Variants in VRK2 observed in about 807,000 individuals in gnomAD.
VRK2 encodes VRK serine/threonine kinase 2, also known as serine/threonine-protein kinase VRK2.
VRK2 carries 60 observed loss-of-function variants against 57.6 expected under a neutral mutation model. The ratio of observed to expected loss-of-function variants is 1.04; its 90% CI spans 0.85 to 1.29. The LOEUF (loss-of-function observed/expected upper bound fraction) is 1.29, where lower values mean the gene tolerates loss of function less well. Ranked by LOEUF, VRK2 falls within the 50% of genes most tolerant of loss-of-function variation. The pLI is 0.00. For synonymous variants in VRK2, 231 were observed against 199.2 expected (o/e 1.16, Z -1.35); for missense variants, 705 against 588.1 (o/e 1.20, Z -2.06).
rs1427209487 is a variant in VRK2 at position 58,159,608 on chromosome 2, A to C, written c.1442A>C (p.Glu481Ala). The C allele has an allele frequency of 8.1e-6, 13 of 1,613,740 alleles. No homozygotes were observed. Among genetic ancestry groups the C allele is most frequent in the Non-Finnish European group, 1.0e-5 (12 of 1,179,828 alleles). The change falls in exon 13 of 13, where the codon GAA becomes GCA. Residue 481 changes from glutamate to alanine, a missense_variant. Glu to Ala is a moderately radical substitution (Grantham distance 107). Transcript: ENST00000340157. ...ACAATTTCCCAGTTTACTCTTAGTG[A>C]AGAGACAAACGCAGATGTTTATTAT... The part of the protein sequence containing the change: ...WPTISQFTLS[E>A]ETNADVYYYR...
intron 1 of VRK2, among the ~76,000 whole-genome samples, chr2:57,931,483 G>C (rs1670722249): frequency 6.6e-6 from 1 of 152,084 alleles, no homozygotes; most frequent in African/African-American, 2.4e-5. Flanking sequence ...TTTTGCTACT[G>C]AGTTGTATGA....
At chr2:58,054,678 G>A (rs1676254621) in intron 2 of VRK2, among the ~76,000 whole-genome samples, 1 of 152,046 alleles carries the variant, frequency 6.6e-6, no homozygotes, top group Non-Finnish European at 1.5e-5. Flanking sequence ...AAATGAGAGA[G>A]CTCATTAGAA....
intron 1 of VRK2, among the ~76,000 whole-genome samples, chr2:58,002,993 G>A (rs1673135461): frequency 6.6e-6 from 1 of 152,110 alleles, no homozygotes. Flanking sequence ...AAGTTAAATT[G>A]TCTAAAATTA....
intron 2 of VRK2, among the ~76,000 whole-genome samples, chr2:58,057,500 T>C (rs1247469877): frequency 8.7e-6 from 1 of 114,366 alleles, no homozygotes; most frequent in African/African-American, 2.7e-5. Flanking sequence ...ACAAATCAGT[T>C]TTCTCTTTCT....
chr2:58,052,600 CAAA>C (rs79413397), intron 2 of VRK2, among the ~76,000 whole-genome samples: 6 of 73,358 alleles, frequency 8.2e-5, no homozygotes, highest in Admixed American at 1.6e-4. Flanking sequence ...GAGACTGTCT[CAAA>C]AAAAAAAAAA....
rs535685482 is a variant in VRK2 at position 58,110,321 on chromosome 2, A to G, written c.544-12780A>G. The stretch of plus-strand genomic sequence containing the variant: ...AAACAGAAAGCAATCATTTATTTTA[A>G]TAGGGCATAATATATTCCTATTTTT... On this transcript the variant is annotated intron_variant, in intron 7 of 12. Transcript: ENST00000340157. Among the ~76,000 whole-genome samples the G allele has an allele frequency of 2.6e-5, 4 of 152,326 alleles. No individual in the cohort carries two copies. In the East Asian group the frequency reaches 5.8e-4, roughly 22 times the overall value.
At chr2:57,990,854 TACACACACACACACAC>T (rs34097486) in intron 1 of VRK2, among the ~76,000 whole-genome samples, 100 of 148,676 alleles carry the variant, frequency 6.7e-4, no homozygotes, top group Non-Finnish European at 1.3e-3. Context: ...CACACAGACA[TACACACACACACACAC>T]ACACACACAC....
chr2:58,131,708 G>T, intron 8 of VRK2, 100 bp from the exon 9 acceptor site: 1 of 1,363,832 alleles, frequency 7.3e-7, no homozygotes, highest in Non-Finnish European at 9.8e-7. Flanking sequence ...TGCCTATTTG[G>T]CTTTTTCATA....
At chr2:58,078,161 T>A (rs1670393450) in intron 2 of VRK2, among the ~76,000 whole-genome samples, 1 of 152,130 alleles carries the variant, frequency 6.6e-6, no homozygotes, top group Admixed American at 6.6e-5. Flanking sequence ...TTTCCTCTTT[T>A]CCCAGCACCT....
chr2:57,979,259 C>T lies in VRK2; in HGVS notation c.-438-46406C>T, dbSNP rs1437882709. Among the ~76,000 whole-genome samples the T allele has an allele frequency of 3.3e-5, 5 of 150,978 alleles. 1 individual carries two copies. Among genetic ancestry groups the T allele is most frequent in the African/African-American group, 1.2e-4 (5 of 40,368 alleles). ...TTACCATACTGTCTTCCACAATGGT[C>T]GAAGTAATTTACATTCCCACCAACA... On this transcript the variant is annotated intron_variant, in intron 1 of 15. Coordinates refer to the VRK2 transcript ENST00000417641.
intron 2 of VRK2, 126 bp downstream of exon 2, chr2:58,049,093 C>A: frequency 1.7e-6 from 2 of 1,205,386 alleles, no homozygotes; most frequent in Non-Finnish European, 2.3e-6. Context: ...CATGATTGTA[C>A]TCGATTAAGT....
At chr2:57,918,497 G>A (rs1303002834) in intron 1 of VRK2, among the ~76,000 whole-genome samples, 1 of 152,026 alleles carries the variant, frequency 6.6e-6, no homozygotes, top group Non-Finnish European at 1.5e-5. Flanking sequence ...TTCTTCAGAT[G>A]TATTGTCAAT....
At chr2:57,995,496 G>C (rs563383054) in intron 1 of VRK2, among the ~76,000 whole-genome samples, 1 of 152,180 alleles carries the variant, frequency 6.6e-6, no homozygotes, top group Admixed American at 6.5e-5. Context: ...TCATTATCAA[G>C]AAAAAATATT....
At chr2:58,002,653 G>A (rs967981366) in intron 1 of VRK2, among the ~76,000 whole-genome samples, 1 of 152,094 alleles carries the variant, frequency 6.6e-6, no homozygotes, top group African/African-American at 2.4e-5. Context: ...ATTTGCATAG[G>A]TGGAAGCTCA....
chr2:58,023,289 T>C (rs2103677169), intron 1 of VRK2, among the ~76,000 whole-genome samples: 1 of 152,350 alleles, frequency 6.6e-6, no homozygotes, highest in East Asian at 1.9e-4. Context: ...TTCATCCCTG[T>C]TGTAGTACGT....
At chr2:58,132,294 T>TA (rs745505639) in intron 9 of VRK2, among the ~76,000 whole-genome samples, 35 of 152,302 alleles carry the variant, frequency 2.3e-4, no homozygotes, top group Non-Finnish European at 4.0e-4. Context: ...ATTAACTGTG[T>TA]AAAACAGCAC....
chr2:58,026,721 T>C (rs2103685597), intron 2 of VRK2: 1 of 152,216 alleles, frequency 6.6e-6, no homozygotes, highest in African/African-American at 2.4e-5. Flanking sequence ...TTTTGTTTAT[T>C]CGTTTTTGTT....
intron 2 of VRK2, among the ~76,000 whole-genome samples, chr2:58,069,308 G>A (rs951360208): frequency 6.6e-5 from 10 of 152,234 alleles, no homozygotes; most frequent in African/African-American, 2.4e-4. Context: ...CTGGGACTTG[G>A]GTATTGGTAG....
At chr2:58,015,957 T>G (rs1295049843) in intron 1 of VRK2, among the ~76,000 whole-genome samples, 1 of 152,128 alleles carries the variant, frequency 6.6e-6, no homozygotes, top group Non-Finnish European at 1.5e-5. Flanking sequence ...CTTTTTTTTT[T>G]GTAATCAAGT....
Sources: gnomAD v4.1 joint callset for allele counts (sites outside exome capture counted in the v4.1 genomes callset) on GRCh38, gnomAD v4.1.1 for gene constraint, MANE v1.5 for transcripts, NCBI Gene and HGNC (gene_info 2026-07-23, HGNC 2026-07-21) for gene names.